SKIC3: variants seen among roughly 807,000 people sequenced by gnomAD.
The protein encoded by SKIC3 is superkiller complex protein 3.
chr5:95,480,115 A>C, the SKIC3 span, among the ~76,000 whole-genome samples: 1 of 152,134 alleles, frequency 6.6e-6, no homozygotes, highest in South Asian at 2.1e-4. Context: ...AGACCTAAAC[A>C]TGAAAAGTAA....
chr5:95,517,555 C>G, the SKIC3 span, among the ~76,000 whole-genome samples: 65 of 152,086 alleles, frequency 4.3e-4, no homozygotes, highest in Non-Finnish European at 9.0e-4. Context: ...TTTTTTGTTA[C>G]TCTTCACCAT....
the SKIC3 span, among the ~76,000 whole-genome samples, chr5:95,490,502 A>AT: frequency 0.021 from 2,865 of 137,550 alleles, 66 homozygotes; most frequent in African/African-American, 0.053. Context: ...ATATATATAT[A>AT]TATTTTTTTT....
the SKIC3 span, chr5:95,503,776 C>T: frequency 1.2e-6 from 2 of 1,611,600 alleles, no homozygotes; most frequent in Non-Finnish European, 1.7e-6. Context: ...TTAAACTCGA[C>T]TCTAAATGTG....
chr5:95,507,705 G>A, the SKIC3 span, among the ~76,000 whole-genome samples: 8 of 152,166 alleles, frequency 5.3e-5, no homozygotes, highest in African/African-American at 1.9e-4. Context: ...GAATTTGCTA[G>A]AGAAGCCTAA....
chr5:95,466,982 C>T, the SKIC3 span, among the ~76,000 whole-genome samples: 2 of 152,046 alleles, frequency 1.3e-5, no homozygotes, highest in African/African-American at 2.4e-5. Flanking sequence ...ATAGTTAAGT[C>T]ATTCCCTTCT....
At chr5:95,512,914 C>CA in the SKIC3 span, 2 of 332,482 alleles carry the variant, frequency 6.0e-6, no homozygotes, top group South Asian at 3.5e-5. Flanking sequence ...AAAGGTCAGA[C>CA]CAAAAAAAAA....
At chr5:95,502,090 T>C in the SKIC3 span, among the ~76,000 whole-genome samples, 7 of 152,132 alleles carry the variant, frequency 4.6e-5, no homozygotes, top group African/African-American at 1.4e-4. Flanking sequence ...TCTCAACCAG[T>C]ACCATCTAAC....
At chr5:95,542,656 C>T in the SKIC3 span, among the ~76,000 whole-genome samples, 1 of 152,190 alleles carries the variant, frequency 6.6e-6, no homozygotes, top group Admixed American at 6.5e-5. Context: ...AACAGGTTCA[C>T]ACCCTCCAGG....
At chr5:95,494,249 G>C in the SKIC3 span, among the ~76,000 whole-genome samples, 2 of 152,052 alleles carry the variant, frequency 1.3e-5, no homozygotes, top group East Asian at 3.8e-4. Context: ...TTAATAATCA[G>C]TAGCCAAAAG....
At chr5:95,510,399 C>A in the SKIC3 span, among the ~76,000 whole-genome samples, 138 of 152,324 alleles carry the variant, frequency 9.1e-4, 1 homozygote, top group African/African-American at 3.2e-3. Flanking sequence ...AGCGACTAGA[C>A]CTGCCTTTGC....
the SKIC3 span, chr5:95,521,569 T>A: frequency 1.3e-5 from 2 of 152,550 alleles, no homozygotes; most frequent in Non-Finnish European, 2.9e-5. Flanking sequence ...GCTTTTTTAA[T>A]ACAATCATTA....
the SKIC3 span, among the ~76,000 whole-genome samples, chr5:95,507,350 A>T: frequency 6.6e-6 from 1 of 152,328 alleles, no homozygotes; most frequent in Non-Finnish European, 1.5e-5. Flanking sequence ...CACCCTTGAA[A>T]CTATTTATAT....
At chr5:95,524,464 C>T in the SKIC3 span, 1 of 1,612,812 alleles carries the variant, frequency 6.2e-7, no homozygotes, top group Non-Finnish European at 8.5e-7. Flanking sequence ...ACTTGCTTTA[C>T]CTTCAGAAAG....
At chr5:95,533,884 A>C in the SKIC3 span, among the ~76,000 whole-genome samples, 1 of 152,162 alleles carries the variant, frequency 6.6e-6, no homozygotes, top group Non-Finnish European at 1.5e-5. Flanking sequence ...ACAAGTCTAC[A>C]TTATAGGTAC....
the SKIC3 span, among the ~76,000 whole-genome samples, chr5:95,470,885 GA>G: frequency 3.9e-5 from 6 of 152,016 alleles, no homozygotes; most frequent in South Asian, 6.2e-4. Flanking sequence ...TATGTAAAGA[GA>G]AAAAAATGCA....
chr5:95,508,028 G>A, the SKIC3 span, among the ~76,000 whole-genome samples: 2 of 151,858 alleles, frequency 1.3e-5, no homozygotes, highest in South Asian at 2.1e-4. Flanking sequence ...CAGTTTACTG[G>A]TAAGTTTGTT....
the SKIC3 span, chr5:95,517,328 A>G: frequency 1.9e-6 from 3 of 1,611,804 alleles, no homozygotes; most frequent in Non-Finnish European, 2.5e-6. Flanking sequence ...GAGCACTAAA[A>G]AAAGAAACAT....
the SKIC3 span, among the ~76,000 whole-genome samples, chr5:95,510,238 A>G: frequency 6.6e-6 from 1 of 152,172 alleles, no homozygotes; most frequent in African/African-American, 2.4e-5. Flanking sequence ...CAGAAATCCA[A>G]CCTAACTCCA....
the SKIC3 span, among the ~76,000 whole-genome samples, chr5:95,470,522 A>G: frequency 6.6e-6 from 1 of 152,174 alleles, no homozygotes; most frequent in East Asian, 1.9e-4. Context: ...GTGTCTACCA[A>G]ATATACAAAA....
Sources: gnomAD v4.1 joint callset for allele counts (sites outside exome capture counted in the v4.1 genomes callset) on GRCh38, gnomAD v4.1.1 for gene constraint, MANE v1.5 for transcripts, NCBI Gene and HGNC (gene_info 2026-07-23, HGNC 2026-07-21) for gene names.